Variants in ZAP70 observed in about 807,000 individuals in gnomAD.
The protein encoded by ZAP70 is zeta chain of T cell receptor associated protein kinase 70.
A neutral mutation model predicts 65.8 loss-of-function variants in ZAP70; 27 were observed. That is an observed-to-expected ratio of 0.41 (90% CI 0.30 to 0.57). The LOEUF (loss-of-function observed/expected upper bound fraction) is 0.57, where lower values mean the gene tolerates loss of function less well. ZAP70 is among the 20% of genes least tolerant of loss of function. ZAP70 has a pLI of 0.28. For synonymous variants in ZAP70, 363 were observed against 360.8 expected (o/e 1.01, Z -0.07); for missense variants, 696 against 870.5 (o/e 0.80, Z 2.52).
chr2:97,744,343 C>T (rs1678198959), downstream of ZAP70, among the ~76,000 whole-genome samples: 1 of 152,112 alleles, frequency 6.6e-6, no homozygotes, highest in South Asian at 2.1e-4. Flanking sequence ...TGAAAAAAAC[C>T]AAAACTGGCA....
chr2:97,732,826 A>G (rs1466489406), intron 4 of ZAP70, 57 bp from the exon 5 acceptor site: 2 of 1,609,942 alleles, frequency 1.2e-6, no homozygotes, highest in Non-Finnish European at 1.7e-6. Flanking sequence ...GAACCGGGGC[A>G]CAGCAGGAGG....
Position 97,735,395 on chromosome 2 carries a change from C to G in ZAP70, c.1228C>G (p.Leu410Val), listed in dbSNP as rs201100932. The G allele has an allele frequency of 1.4e-5, 23 of 1,614,054 alleles. No individual in the cohort carries two copies. The South Asian group carries it at 2.2e-4, about 15-fold the overall frequency. ...RLIGVCQAEA[L>V]MLVMEMAGGG... ...CATTGGCGTCTGCCAGGCCGAGGCCCTCATGCTGGTCATGGAGATGGCTGG... is the reference window on the plus strand; with the variant it reads ...CATTGGCGTCTGCCAGGCCGAGGCCGTCATGCTGGTCATGGAGATGGCTGG... Residue 410 changes from leucine to valine, a missense_variant, in exon 10 of 14, where the codon CTC becomes GTC. Leu to Val is a conservative substitution (Grantham distance 32). Transcript: ENST00000264972.
rs1573248440 is a variant in ZAP70 at position 97,717,260 on chromosome 2, C to T, written c.-22+3266C>T. On this transcript the variant is annotated intron_variant, in intron 2 of 13. Transcript: ENST00000264972. ...GAGTGGGAACAGGGTGGTGGGGGGG[C>T]AGTAGGAGGAGGTGGGGCGGTGAGG... is the stretch of plus-strand genomic sequence containing the variant. Among the ~76,000 whole-genome samples the T allele has an allele frequency of 4.3e-5, 4 of 92,846 alleles. No individual in the cohort carries two copies. The South Asian group carries it at 1.1e-3, about 27-fold the overall frequency. The allele number at this position is 92,846 out of a possible 152,430, so 60.9% of individuals were successfully genotyped here.
chr2:97,736,177 A>AT lies in ZAP70; in HGVS notation c.1289+734dup, dbSNP rs58292075. The stretch of plus-strand genomic sequence containing the variant: ...CGTGCTGCGTGGTTTTCTATTTTTA[A>AT]TTTTTTTTTTTTTAAAGAAACAAAA... On this transcript the variant is annotated intron_variant, in intron 10 of 13. Coordinates refer to ENST00000264972, the MANE Select transcript of ZAP70 (RefSeq NM_001079.4). This position sits in a 1 kb window ranked among gnomAD's most constrained non-coding sequence, Gnocchi z 4.0. 1.6e-3 allele frequency among the ~76,000 whole-genome samples: 233 copies of AT among 147,178 alleles called. No homozygotes were observed. The highest frequency in any genetic ancestry group is 4.4e-3 in the African/African-American group (177 of 40,384).
In ZAP70 at chr2:97,715,598, G is replaced by GC. The variant is rs568746606; in HGVS notation, c.-22+1605dup. On this transcript the variant is annotated intron_variant, in intron 2 of 13. Transcript: ENST00000264972. The surrounding 1 kb of genome is among the most constrained non-coding windows in gnomAD (Gnocchi z 4.1). ...GGTTGGGGAATCTGACCCTGACCCC[G>GC]CACCAGCCCAGCTCTCCAGGGTCTC... Among the ~76,000 whole-genome samples the GC allele has an allele frequency of 5.1e-4, 78 of 152,244 alleles. No homozygotes were observed. Among genetic ancestry groups the GC allele is most frequent in the African/African-American group, 1.9e-3 (77 of 41,546 alleles).
Position 97,736,229 on chromosome 2 carries a change from G to A in ZAP70, c.1289+773G>A, listed in dbSNP as rs543415983. On this transcript the variant is annotated intron_variant, in intron 10 of 13. Coordinates refer to ENST00000264972, the MANE Select transcript of ZAP70 (RefSeq NM_001079.4). The surrounding 1 kb of genome is among the most constrained non-coding windows in gnomAD (Gnocchi z 4.0). ...CGAAGATGTGACAGAGATCACTTGT[G>A]GCCTGTAAAGGCTAAAATCCTTACT... Among the ~76,000 whole-genome samples the A allele has an allele frequency of 6.6e-6, 1 of 151,776 alleles. No homozygotes were observed. Among genetic ancestry groups the A allele is most frequent in the East Asian group, 1.9e-4 (1 of 5,150 alleles).
At chr2:97,740,821 CCT>C (rs1678110476), downstream of ZAP70, among the ~76,000 whole-genome samples, 2 of 152,208 alleles carry the variant, frequency 1.3e-5, no homozygotes, top group South Asian at 2.1e-4. Context: ...ATTCCTGTCC[CCT>C]GTTGGGGTGA....
At chr2:97,730,777 C>G (rs889294000) in intron 4 of ZAP70, among the ~76,000 whole-genome samples, 1 of 152,114 alleles carries the variant, frequency 6.6e-6, no homozygotes, top group Non-Finnish European at 1.5e-5. Flanking sequence ...AAGAGACAGA[C>G]AGACTTGGTG....
chr2:97,721,763 A>G (rs1449625666), intron 2 of ZAP70, among the ~76,000 whole-genome samples: 1 of 146,800 alleles, frequency 6.8e-6, no homozygotes, highest in African/African-American at 2.5e-5. Flanking sequence ...GTGGTGCCAC[A>G]TATTTTGTTT....
chr2:97,725,231 C>G lies in ZAP70; in HGVS notation c.542C>G (p.Ala181Gly), dbSNP rs749801885. The G allele has an allele frequency of 2.5e-5, 40 of 1,613,528 alleles. No homozygotes were observed. The highest frequency in any genetic ancestry group is 3.3e-5 in the Non-Finnish European group (39 of 1,179,596). ...EEAERKLYSG[A>G]QTDGKFLLRP... is the part of the protein sequence containing the mutation. ...GCCGAGCGCAAACTTTACTCTGGGGCGCAGACCGACGGCAAGTTCCTGTAT... is the reference window on the plus strand; with the variant it reads ...GCCGAGCGCAAACTTTACTCTGGGGGGCAGACCGACGGCAAGTTCCTGTAT... Residue 181 changes from alanine (A) to glycine (G), a missense_variant, in exon 4 of 14, where the codon GCG becomes GGG. Ala to Gly is a moderately conservative substitution (Grantham distance 60, BLOSUM62 0). Coordinates refer to ENST00000264972, the MANE Select transcript of ZAP70 (RefSeq NM_001079.4).
chr2:97,724,945 G>A (rs1677320369), intron 3 of ZAP70, 147 bp from the exon 4 acceptor site: 2 of 1,534,458 alleles, frequency 1.3e-6, no homozygotes, highest in Admixed American at 2.0e-5. Context: ...CGGAGATGGC[G>A]CGGAGGTAGT....
At chr2:97,714,015 G>T (rs545358543) in intron 2 of ZAP70, 21 bp downstream of exon 2, 1 of 152,696 alleles carries the variant, frequency 6.5e-6, no homozygotes, top group Non-Finnish European at 1.5e-5. Flanking sequence ...CCTGGGTGGA[G>T]TGGCACCTGG....
At chr2:97,739,328 G>A in intron 13 of ZAP70, 47 bp from the exon 14 acceptor site, 7 of 1,610,306 alleles carry the variant, frequency 4.3e-6, no homozygotes, top group Non-Finnish European at 5.9e-6. Flanking sequence ...GTGAAGCTGG[G>A]TCCTGGGGGC....
At chr2:97,742,124 G>A (rs1396504837), downstream of ZAP70, among the ~76,000 whole-genome samples, 1 of 152,186 alleles carries the variant, frequency 6.6e-6, no homozygotes, top group Non-Finnish European at 1.5e-5. Context: ...TTGGAAATGG[G>A]AAGAAAACGC....
At chr2:97,752,322 TAATA>T in the ZAP70 span, among the ~76,000 whole-genome samples, 1 of 152,264 alleles carries the variant, frequency 6.6e-6, no homozygotes, top group Non-Finnish European at 1.5e-5. Context: ...CTGGCTTAAT[TAATA>T]TTGTTGCCAA....
chr2:97,744,490 G>C (rs1678202018), downstream of ZAP70, among the ~76,000 whole-genome samples: 1 of 152,188 alleles, frequency 6.6e-6, no homozygotes, highest in Non-Finnish European at 1.5e-5. Flanking sequence ...ACCTTTCTGA[G>C]TAGTGATGTG....
the ZAP70 span, among the ~76,000 whole-genome samples, chr2:97,748,329 G>C: frequency 6.6e-6 from 1 of 152,152 alleles, no homozygotes; most frequent in Non-Finnish European, 1.5e-5. Flanking sequence ...TAATCCACTT[G>C]GCAAGTTTAA....
chr2:97,744,647 G>C (rs1311886771), downstream of ZAP70, among the ~76,000 whole-genome samples: 1 of 152,192 alleles, frequency 6.6e-6, no homozygotes, highest in Non-Finnish European at 1.5e-5. Flanking sequence ...GCCAGAGGGA[G>C]GAGAGCTTCT....
Position 97,724,277 on chromosome 2 carries a change from G to A in ZAP70, c.241G>A (p.Ala81Thr), listed in dbSNP as rs867541716. The A allele has an allele frequency of 6.2e-7, 1 of 1,602,542 alleles. No homozygotes were observed. Among genetic ancestry groups the A allele is most frequent in the Non-Finnish European group, 8.5e-7 (1 of 1,177,404 alleles). Reference sequence around the variant, plus strand: ...CGGCGGCAAAGCGCACTGTGGACCGGCAGAGCTCTGCGAGTTCTACTCGCG... The same window carrying A: ...CGGCGGCAAAGCGCACTGTGGACCGACAGAGCTCTGCGAGTTCTACTCGCG... ...IAGGKAHCGP[A>T]ELCEFYSRDP... The change falls in exon 3 of 14, where the codon GCA (alanine) becomes ACA (threonine). Residue 81 changes from alanine to threonine, a missense_variant. Physicochemically the swap from Ala to Thr is moderately conservative, Grantham distance 58 (BLOSUM62 0). Coordinates refer to ENST00000264972, the MANE Select transcript of ZAP70 (RefSeq NM_001079.4).
Sources: gnomAD v4.1 joint callset for allele counts (sites outside exome capture counted in the v4.1 genomes callset) on GRCh38, gnomAD v4.1.1 for gene constraint, Gnocchi (gnomAD v3.1) non-coding constraint, MANE v1.5 for transcripts, NCBI Gene and HGNC (gene_info 2026-07-23, HGNC 2026-07-21) for gene names.